Variants in CADPS2 observed in about 807,000 individuals in gnomAD.
The protein encoded by CADPS2 is calcium-dependent secretion activator 2.
In CADPS2, 93 loss-of-function variants were observed where a neutral mutation model predicts 172.5. That is an observed-to-expected ratio of 0.54 (90% CI 0.46 to 0.64). The LOEUF (loss-of-function observed/expected upper bound fraction) is 0.64, where lower values mean the gene tolerates loss of function less well. Ranked by LOEUF, CADPS2 falls within the 30% of genes least tolerant of loss-of-function variation. The pLI, the probability that CADPS2 is intolerant of heterozygous loss-of-function variation, is 0.00. For missense variants in CADPS2, 1,420 were observed against 1,565.9 expected (o/e 0.91, Z 1.57); for synonymous variants, 546 against 555.2 (o/e 0.98, Z 0.23).
At chr7:122,570,331 A>G (rs1324627466) in intron 7 of CADPS2, among the ~76,000 whole-genome samples, 2 of 152,148 alleles carry the variant, frequency 1.3e-5, no homozygotes, top group East Asian at 1.9e-4. Flanking sequence ...AACCACAATG[A>G]GATACCATCT....
At chr7:122,534,931 T>C (rs34283322) in intron 8 of CADPS2, among the ~76,000 whole-genome samples, 16,213 of 152,046 alleles carry the variant, frequency 0.11, 1,063 homozygotes, top group African/African-American at 0.18. Context: ...GATGTTTCTA[T>C]AAACCAAAAA....
chr7:122,335,344 G>A (rs2035686371), intron 28 of CADPS2, among the ~76,000 whole-genome samples: 1 of 152,072 alleles, frequency 6.6e-6, no homozygotes, highest in Non-Finnish European at 1.5e-5. Context: ...CCACCTCCCG[G>A]GATCAAGTGA....
chr7:122,369,504 G>C (rs890877895), intron 25 of CADPS2: 2 of 152,190 alleles, frequency 1.3e-5, no homozygotes, highest in African/African-American at 2.4e-5. Flanking sequence ...CCTGAGAACA[G>C]TGGCTGCTGA....
At chr7:122,574,927 C>T (rs2132641176) in intron 7 of CADPS2, among the ~76,000 whole-genome samples, 1 of 152,076 alleles carries the variant, frequency 6.6e-6, no homozygotes, top group Non-Finnish European at 1.5e-5. Context: ...TGGCAGATGC[C>T]ACCTTAACCA....
At chr7:122,590,886 T>A (rs1319571470) in intron 6 of CADPS2, among the ~76,000 whole-genome samples, 1 of 151,982 alleles carries the variant, frequency 6.6e-6, no homozygotes, top group African/African-American at 2.4e-5. Flanking sequence ...TACAGCAAGT[T>A]TTAAACTCCT....
chr7:122,680,697 G>A (rs1242509178), intron 2 of CADPS2, among the ~76,000 whole-genome samples: 1 of 152,188 alleles, frequency 6.6e-6, no homozygotes, highest in East Asian at 1.9e-4. Context: ...CTGGGCAACA[G>A]AGTGAGACTG....
At chr7:122,870,234 A>G (rs1240935074) in intron 1 of CADPS2, among the ~76,000 whole-genome samples, 2 of 152,052 alleles carry the variant, frequency 1.3e-5, no homozygotes, top group Non-Finnish European at 2.9e-5. Context: ...CTCTAAGGAC[A>G]CATTCAGATT....
chr7:122,542,751 T>C (rs939839493), intron 8 of CADPS2, among the ~76,000 whole-genome samples: 1 of 152,092 alleles, frequency 6.6e-6, no homozygotes, highest in Non-Finnish European at 1.5e-5. Context: ...ATAGTCTACA[T>C]CAGTCTAGAA....
intron 27 of CADPS2, among the ~76,000 whole-genome samples, chr7:122,346,071 A>C (rs2150985453): frequency 6.6e-6 from 1 of 152,242 alleles, no homozygotes; most frequent in South Asian, 2.1e-4. Flanking sequence ...GCTTATCAAT[A>C]ATATTTAAAA....
chr7:122,408,798 A>G (rs543752811), intron 19 of CADPS2, among the ~76,000 whole-genome samples: 2 of 152,226 alleles, frequency 1.3e-5, no homozygotes, highest in East Asian at 3.9e-4. Flanking sequence ...TTGACACACT[A>G]TTTTCTTAAG....
rs1348133652 is a variant in CADPS2, at chr7:122,393,532, G to A, written c.2797C>T (p.Pro933Ser). The A allele has an allele frequency of 6.8e-6, 11 of 1,613,800 alleles. No individual in the cohort carries two copies. The highest frequency in any genetic ancestry group is 2.2e-5 in the East Asian group (1 of 44,850). The change falls in exon 21 of 30, where the codon CCC becomes TCC. Residue 933 changes from proline to serine, a missense_variant. Physicochemically the swap from Pro to Ser is moderately conservative, Grantham distance 74. Coordinates refer to ENST00000449022, the MANE Select transcript of CADPS2 (RefSeq NM_017954.11). Reference protein sequence around the residue: ...FHKHLQEIFVPLVVRYVDLME... With the variant: ...FHKHLQEIFVSLVVRYVDLME... ...AGATCCACATAGCGGACAACCAAGG[G>A]TACAAAGATTTCTTGCAAGTGTTTG...
chr7:122,503,724 T>C (rs1437629027), intron 9 of CADPS2, among the ~76,000 whole-genome samples: 1 of 152,184 alleles, frequency 6.6e-6, no homozygotes, highest in Non-Finnish European at 1.5e-5. Flanking sequence ...TCTCATTCAT[T>C]CATCCGTGCA....
intron 28 of CADPS2, among the ~76,000 whole-genome samples, chr7:122,338,217 T>TGG (rs2036202403): frequency 2.6e-5 from 4 of 152,132 alleles, no homozygotes; most frequent in Admixed American, 2.6e-4. Flanking sequence ...GGCAACGTGG[T>TGG]GAAACCCTGT....
chr7:122,564,873 ACAC>A (rs1334336517), intron 7 of CADPS2, among the ~76,000 whole-genome samples: 5 of 151,544 alleles, frequency 3.3e-5, no homozygotes, highest in Non-Finnish European at 7.4e-5. Flanking sequence ...ACACACACAC[ACAC>A]AAAACACTAC....
chr7:122,758,679 A>G (rs895858470), intron 1 of CADPS2, among the ~76,000 whole-genome samples: 1 of 152,156 alleles, frequency 6.6e-6, no homozygotes. Context: ...AGTGATTTGC[A>G]TACATTTACT....
At chr7:122,569,741 A>C (rs986577538) in intron 7 of CADPS2, among the ~76,000 whole-genome samples, 39 of 148,056 alleles carry the variant, frequency 2.6e-4, no homozygotes, top group Admixed American at 8.2e-4. Context: ...ACCTACAACT[A>C]TCTGATCTTT....
intron 8 of CADPS2, among the ~76,000 whole-genome samples, chr7:122,550,333 C>T (rs560647515): frequency 5.9e-5 from 9 of 152,256 alleles, no homozygotes; most frequent in Middle Eastern, 3.4e-3. Context: ...AATAGCCAAG[C>T]ATGACTCTAC....
chr7:122,860,838 C>G (rs1056688323), intron 1 of CADPS2, among the ~76,000 whole-genome samples: 1 of 152,004 alleles, frequency 6.6e-6, no homozygotes, highest in African/African-American at 2.4e-5. Context: ...AGTATTTGTC[C>G]CTCTATGCTT....
At chr7:122,330,417 T>G (rs890397186) in intron 28 of CADPS2, among the ~76,000 whole-genome samples, 1 of 152,214 alleles carries the variant, frequency 6.6e-6, no homozygotes, top group Non-Finnish European at 1.5e-5. Flanking sequence ...AATTTGTGGC[T>G]CTGTTTCACT....
Sources: allele counts gnomAD v4.1 joint callset (sites outside exome capture counted in the v4.1 genomes callset), GRCh38; gene constraint gnomAD v4.1.1; transcripts MANE v1.5; gene names NCBI Gene and HGNC (gene_info 2026-07-23, HGNC 2026-07-21).